The following ROBO1 variants were observed in gnomAD, a reference collection of about 807,000 sequenced individuals.
ROBO1 encodes roundabout homolog 1.
A neutral mutation model predicts 195.9 loss-of-function variants in ROBO1; 149 were observed. The observed-to-expected ratio is 0.76, with a 90% confidence interval of 0.67 to 0.87. The LOEUF is 0.87. ROBO1 is among the 40% of genes least tolerant of loss of function. ROBO1 has a pLI of 0.00. For missense variants in ROBO1, 1,933 were observed against 2,068.3 expected (o/e 0.93, Z 1.27); for synonymous variants, 816 against 733.2 (o/e 1.11, Z -1.82).
chr3:79,569,540 A>C (rs1457711933), intron 2 of ROBO1, among the ~76,000 whole-genome samples: 1 of 152,100 alleles, frequency 6.6e-6, no homozygotes, highest in Non-Finnish European at 1.5e-5. Context: ...CACTGAACAC[A>C]TTAATAGGTC....
chr3:79,596,730 A>G (rs1165956336), intron 1 of ROBO1, among the ~76,000 whole-genome samples: 2 of 152,060 alleles, frequency 1.3e-5, no homozygotes, highest in Admixed American at 6.6e-5. Flanking sequence ...CAACTCTACT[A>G]TGTTTCTCAC....
At chr3:78,927,111 G>C (rs1432821264) in intron 4 of ROBO1, among the ~76,000 whole-genome samples, 1 of 152,148 alleles carries the variant, frequency 6.6e-6, no homozygotes, top group Non-Finnish European at 1.5e-5. Flanking sequence ...GAGAGAGTGG[G>C]ATAAGGCCAC....
At chr3:79,642,627 GTAAAA>G (rs1380921597) in intron 1 of ROBO1, among the ~76,000 whole-genome samples, 1 of 152,020 alleles carries the variant, frequency 6.6e-6, no homozygotes, top group African/African-American at 2.4e-5. Flanking sequence ...CTTTTTCAAA[GTAAAA>G]TATTGCTATA....
rs1225236165 is a variant in ROBO1, at chr3:79,556,523, G to A, written c.88+33301C>T. 2.0e-5 allele frequency among the ~76,000 whole-genome samples: 3 copies of A among 152,086 alleles called. No individual in the cohort carries two copies. In the East Asian group the frequency reaches 5.8e-4, roughly 29 times the overall value. Reference sequence around the variant, plus strand: ...TGCATAAAATTGTATGTAACCTACAGTCAAAAGTGAAGGTAATTACTTTTT... The same window carrying A: ...TGCATAAAATTGTATGTAACCTACAATCAAAAGTGAAGGTAATTACTTTTT... On this transcript the variant is annotated intron_variant, in intron 2 of 30. Transcript: ENST00000464233.
chr3:79,368,612 C>T (rs910652715), intron 2 of ROBO1, among the ~76,000 whole-genome samples: 5 of 152,086 alleles, frequency 3.3e-5, no homozygotes, highest in Non-Finnish European at 5.9e-5. Context: ...TCCCTAACCA[C>T]AGGAACTTGT....
chr3:79,116,295 TTTC>T (rs2079994110), intron 3 of ROBO1, among the ~76,000 whole-genome samples: 1 of 151,720 alleles, frequency 6.6e-6, no homozygotes, highest in African/African-American at 2.4e-5. Context: ...TTTCTTTCTC[TTTC>T]TTTCTTTCCT....
At chr3:78,671,333 A>C (rs150031346) in intron 10 of ROBO1, among the ~76,000 whole-genome samples, 2 of 152,214 alleles carry the variant, frequency 1.3e-5, no homozygotes, top group African/African-American at 2.4e-5. Flanking sequence ...AAATTTCAGA[A>C]ATTTTCTTTA....
intron 2 of ROBO1, among the ~76,000 whole-genome samples, chr3:79,247,129 G>GTTTTTTTTTTTT (rs575917340): frequency 7.4e-4 from 100 of 134,790 alleles, no homozygotes; most frequent in African/African-American, 1.0e-3. Context: ...CCTGTTTACT[G>GTTTTTTTTTTTT]TTTTTTTTTT....
At chr3:79,707,573 A>G (rs1473324198) in intron 1 of ROBO1, among the ~76,000 whole-genome samples, 1 of 152,122 alleles carries the variant, frequency 6.6e-6, no homozygotes, top group Non-Finnish European at 1.5e-5. Flanking sequence ...CAGTGGTGCA[A>G]TCTCGGCTCA....
At chr3:78,867,464 C>T (rs942945198) in intron 4 of ROBO1, among the ~76,000 whole-genome samples, 4 of 152,070 alleles carry the variant, frequency 2.6e-5, no homozygotes, top group Admixed American at 1.3e-4. Flanking sequence ...AGAAAATTAC[C>T]TTCTTTTCAG....
At position 79,680,525 on chromosome 3, in the gene ROBO1, G is replaced by T. The variant is rs573075744; in HGVS notation, c.-51+87227C>A. Among the ~76,000 whole-genome samples the T allele has an allele frequency of 4.6e-5, 7 of 152,126 alleles. No individual in the cohort carries two copies. The East Asian group carries it at 1.4e-3, about 30-fold the overall frequency. ...AAAGTGAGGTACATGAACTAGAGAA[G>T]TGATTATAGTTTTGATTGTTGGTCA... On this transcript the variant is annotated intron_variant, in intron 1 of 30. Coordinates refer to ENST00000464233, the MANE Select transcript of ROBO1 (RefSeq NM_002941.4).
chr3:79,513,314 A>T (rs1173797890), intron 2 of ROBO1, among the ~76,000 whole-genome samples: 1 of 152,126 alleles, frequency 6.6e-6, no homozygotes, highest in Non-Finnish European at 1.5e-5. Context: ...TAATACATCT[A>T]TATATCTATA....
chr3:79,058,571 C>G (rs550409850), intron 3 of ROBO1, among the ~76,000 whole-genome samples: 1 of 152,064 alleles, frequency 6.6e-6, no homozygotes, highest in Non-Finnish European at 1.5e-5. Context: ...TTCTGCTTTG[C>G]TTACCTCCAA....
At chr3:79,670,401 C>A (rs372991641) in intron 1 of ROBO1, among the ~76,000 whole-genome samples, 11 of 138,088 alleles carry the variant, frequency 8.0e-5, no homozygotes, top group Non-Finnish European at 1.5e-4. Context: ...GCAAAAAATT[C>A]TATCTACACA....
Position 78,661,013 on chromosome 3 carries a change from C to T in ROBO1, c.2320+17G>A, listed in dbSNP as rs369375962. On this transcript the variant is annotated intron_variant, in intron 16 of 30. Coordinates refer to ENST00000464233, the MANE Select transcript of ROBO1 (RefSeq NM_002941.4). ...TATACTGCAATGCATGGAAATCAAA[C>T]GCTTCATCATACTTGCCTTCTTCCA... The T allele has an allele frequency of 3.9e-5, 60 of 1,555,582 alleles. No individual in the cohort carries two copies. Among genetic ancestry groups the T allele is most frequent in the African/African-American group, 3.7e-4 (27 of 73,594 alleles).
chr3:78,973,575 C>CTATATATATATATATA (rs58598961), intron 3 of ROBO1, among the ~76,000 whole-genome samples: 3 of 129,426 alleles, frequency 2.3e-5, no homozygotes, highest in African/African-American at 8.3e-5. Flanking sequence ...ATATATGAAG[C>CTATATATATATATATA]TATATATATA....
chr3:78,657,815 A>T (rs909936293), intron 17 of ROBO1, among the ~76,000 whole-genome samples: 2 of 152,222 alleles, frequency 1.3e-5, no homozygotes, highest in African/African-American at 4.8e-5. Flanking sequence ...TAGTTGATTG[A>T]AAAGGAAGGA....
intron 4 of ROBO1, among the ~76,000 whole-genome samples, chr3:78,908,218 G>A (rs950194254): frequency 3.3e-5 from 5 of 151,714 alleles, no homozygotes; most frequent in African/African-American, 7.3e-5. Context: ...ATCCTGCAAC[G>A]ATTCCCAGAC....
chr3:79,585,676 T>G (rs1235252060), intron 2 of ROBO1, among the ~76,000 whole-genome samples: 1 of 151,948 alleles, frequency 6.6e-6, no homozygotes, highest in African/African-American at 2.4e-5. Flanking sequence ...TCAACTCAAA[T>G]GTCTAAAGCA....
Sources: allele counts gnomAD v4.1 joint callset (sites outside exome capture counted in the v4.1 genomes callset), GRCh38; gene constraint gnomAD v4.1.1; transcripts MANE v1.5; gene names NCBI Gene and HGNC (gene_info 2026-07-23, HGNC 2026-07-21).